The following ARHGAP6 variants were observed in gnomAD, a reference collection of about 807,000 sequenced individuals.
ARHGAP6 encodes the protein Rho GTPase activating protein 6.
ARHGAP6 carries 16 observed loss-of-function variants against 55.7 expected under a neutral mutation model. The ratio of observed to expected loss-of-function variants is 0.29; its 90% confidence interval spans 0.19 to 0.44. The LOEUF is 0.44. Among genes scored for constraint, ARHGAP6 ranks in the 20% least tolerant of loss-of-function variants. The probability of loss-of-function intolerance (pLI) is 1.00; values close to 1 mark genes in which losing one functional copy is unlikely to be tolerated. For missense variants in ARHGAP6, 698 were observed against 808.9 expected, an observed-to-expected ratio of 0.86 and a Z score of 1.66; for synonymous variants, 382 against 360.9, an observed-to-expected ratio of 1.06 and a Z score of -0.66.
chrX:11,138,563 G>A lies in ARHGAP6; in HGVS notation c.*300C>T, dbSNP rs1269716122. ...ACCGAAGACACATAAATACGGTTAG[G>A]CTATACCAAGCAAGAGTTGTATCTT... On this transcript the variant is annotated 3_prime_UTR_variant, in exon 13 of 13. Coordinates refer to ENST00000337414, the MANE Select transcript of ARHGAP6 (RefSeq NM_013427.3). 2.8e-6 allele frequency: 1 copy of A among 359,901 alleles called. No individual in the cohort carries two copies. Among genetic ancestry groups the A allele is most frequent in the Non-Finnish European group, 4.8e-6 (1 of 209,537 alleles). The allele number at this position is 359,901 out of a possible 1,213,427, so 29.7% of individuals were successfully genotyped here. A position where few individuals can be genotyped will look rare whatever the true frequency, so the allele number is the denominator to read the frequency against.
At chrX:11,300,662 G>C in intron 1 of ARHGAP6, 1 of 1,130,745 alleles carries the variant, frequency 8.8e-7, no homozygotes, top group African/African-American at 1.8e-5. Flanking sequence ...TTTCAGGAGT[G>C]ACACAAGAAC....
chrX:11,408,252 GC>G (rs765044498), intron 1 of ARHGAP6, among the ~76,000 whole-genome samples: 1 of 110,995 alleles, frequency 9.0e-6, no homozygotes, highest in African/African-American at 3.3e-5. Context: ...GGAGGGGGAA[GC>G]GGAATGGAAG....
intron 1 of ARHGAP6, among the ~76,000 whole-genome samples, chrX:11,510,287 A>G (rs769187546): frequency 1.7e-4 from 19 of 111,819 alleles, no homozygotes; most frequent in African/African-American, 6.2e-4. Context: ...ATATTTTTCA[A>G]TAAAGAAAAG....
At chrX:11,382,636 C>T (rs1381718613) in intron 1 of ARHGAP6, among the ~76,000 whole-genome samples, 3 of 111,357 alleles carry the variant, frequency 2.7e-5, no homozygotes, top group South Asian at 3.8e-4. Context: ...AATGCAGCTT[C>T]GTCATCTTAG....
intron 1 of ARHGAP6, among the ~76,000 whole-genome samples, chrX:11,347,874 C>G (rs1049782532): frequency 1.4e-4 from 9 of 65,439 alleles, no homozygotes; most frequent in African/African-American, 4.7e-4. Context: ...GAGCTACAAT[C>G]CTGTGATAGG....
intron 1 of ARHGAP6, among the ~76,000 whole-genome samples, chrX:11,387,149 G>A (rs1209007769): frequency 8.9e-6 from 1 of 112,140 alleles, no homozygotes; most frequent in African/African-American, 3.2e-5. Context: ...AGGGAAATGT[G>A]GGAAAGTGAT....
intron 1 of ARHGAP6, among the ~76,000 whole-genome samples, chrX:11,500,957 C>T (rs1030455317): frequency 9.1e-6 from 1 of 110,296 alleles, no homozygotes; most frequent in Admixed American, 9.7e-5. Context: ...CAGTCAACAG[C>T]GTGGTTGTTG....
intron 1 of ARHGAP6, among the ~76,000 whole-genome samples, chrX:11,663,563 T>C (rs1195339678): frequency 8.9e-6 from 1 of 112,375 alleles, no homozygotes; most frequent in African/African-American, 3.2e-5. Flanking sequence ...GAGTCCCCTA[T>C]GTATTGTTGA....
At chrX:11,385,080 G>C (rs1284788741) in intron 1 of ARHGAP6, among the ~76,000 whole-genome samples, 1 of 111,881 alleles carries the variant, frequency 8.9e-6, no homozygotes, top group Non-Finnish European at 1.9e-5. Flanking sequence ...TCTTACTACT[G>C]TATAAATGAC....
At chrX:11,211,260 C>A (rs1237896019) in intron 2 of ARHGAP6, among the ~76,000 whole-genome samples, 2 of 97,196 alleles carry the variant, frequency 2.1e-5, no homozygotes, top group South Asian at 5.1e-4. Context: ...TTTCCTCTGT[C>A]GCCCAGGCTG....
At chrX:11,460,153 C>T (rs987149544) in intron 1 of ARHGAP6, among the ~76,000 whole-genome samples, 1 of 110,908 alleles carries the variant, frequency 9.0e-6, no homozygotes, top group Non-Finnish European at 1.9e-5. Context: ...TGTAAGACTC[C>T]ATAGTAGCCT....
At chrX:11,525,517 G>A (rs1273643414) in intron 1 of ARHGAP6, among the ~76,000 whole-genome samples, 1 of 111,970 alleles carries the variant, frequency 8.9e-6, no homozygotes, top group Non-Finnish European at 1.9e-5. Context: ...ACTCAGAGGT[G>A]TTACACACCA....
At chrX:11,623,573 T>G (rs1489531499) in intron 1 of ARHGAP6, among the ~76,000 whole-genome samples, 1 of 107,495 alleles carries the variant, frequency 9.3e-6, no homozygotes, top group African/African-American at 3.4e-5. Flanking sequence ...GGCGGGCACC[T>G]GTAGTCCCAG....
At position 11,300,793 on chromosome X, in the gene ARHGAP6, T is replaced by C. The variant is rs2048164543; in HGVS notation, c.589-46086A>G. 1.1e-5 allele frequency: 5 copies of C among 449,395 alleles called. No homozygotes were observed. The South Asian group carries it at 2.2e-4, about 20-fold the overall frequency. The allele number at this position is 449,395 out of a possible 1,213,427, so 37.0% of individuals were successfully genotyped here. On this transcript the variant is annotated intron_variant, in intron 1 of 12. Coordinates refer to ENST00000337414, the MANE Select transcript of ARHGAP6 (RefSeq NM_013427.3). ...TCTTTGTGTTGAATGAAACTTAAAT[T>C]TTCCTATCATTTGAGATGATATATT...
chrX:11,404,805 A>G (rs140161169), intron 1 of ARHGAP6, among the ~76,000 whole-genome samples: 2 of 112,273 alleles, frequency 1.8e-5, no homozygotes, highest in African/African-American at 6.5e-5. Context: ...AATTCTAGAT[A>G]AGCACACATC....
rs145800708 is a variant in ARHGAP6, at chrX:11,446,336, G to A, written c.589-191629C>T. ...TCCATCTTATCTGGGCATGTTCCAA[G>A]TGAAAAATTCAGTAATTGGGCTTTA... On this transcript the variant is annotated intron_variant, in intron 1 of 12. Coordinates refer to ENST00000337414, the MANE Select transcript of ARHGAP6 (RefSeq NM_013427.3). Among the ~76,000 whole-genome samples the A allele has an allele frequency of 6.8e-3, 761 of 111,546 alleles. 1 individual carries two copies. The highest frequency in any genetic ancestry group is 0.01 in the Non-Finnish European group (537 of 53,122).
In ARHGAP6 at chrX:11,507,012, T is replaced by C. The variant is rs138496808; in HGVS notation, c.588+157229A>G. 7.0e-3 allele frequency among the ~76,000 whole-genome samples: 785 copies of C among 112,075 alleles called. 7 individuals are homozygous for C. The highest frequency in any genetic ancestry group is 0.024 in the African/African-American group (744 of 30,914). On this transcript the variant is annotated intron_variant, in intron 1 of 12. Transcript: ENST00000337414. The stretch of plus-strand genomic sequence containing the variant: ...AGTGATGGTGAGCATTTTTTCATAG[T>C]ACATAGTGTCTTAATCATCTTTATT...
At chrX:11,248,530 C>T (rs925536568) in intron 2 of ARHGAP6, among the ~76,000 whole-genome samples, 2 of 111,746 alleles carry the variant, frequency 1.8e-5, no homozygotes, top group Non-Finnish European at 3.8e-5. Context: ...TGACAAAGTA[C>T]GAATATACAG....
intron 1 of ARHGAP6, among the ~76,000 whole-genome samples, chrX:11,395,105 C>G (rs779351822): frequency 4.5e-5 from 5 of 111,830 alleles, no homozygotes; most frequent in Non-Finnish European, 7.5e-5. Context: ...TATTCTGTAA[C>G]AGAAGTCCTC....
Sources: allele counts gnomAD v4.1 joint callset (sites outside exome capture counted in the v4.1 genomes callset), GRCh38; gene constraint gnomAD v4.1.1; transcripts MANE v1.5; gene names NCBI Gene and HGNC (gene_info 2026-07-23, HGNC 2026-07-21).